Variants in SF3B3 observed in about 807,000 individuals in gnomAD.
SF3B3 encodes SAP 130.
In SF3B3, 33 loss-of-function variants were observed where a neutral mutation model predicts 139.2. That is an observed-to-expected ratio of 0.24 (90% CI 0.18 to 0.32). SF3B3 has a LOEUF of 0.32. Among genes scored for constraint, SF3B3 ranks in the 10% least tolerant of loss-of-function variants. SF3B3 has a pLI of 1.00. For synonymous variants in SF3B3, 596 were observed against 563.6 expected (o/e 1.06, Z -0.81); for missense variants, 818 against 1,509.4 (o/e 0.54, Z 7.59).
Position 70,540,478 on chromosome 16 carries a change from G to T in SF3B3, c.1068-1191G>T, listed in dbSNP as rs570346678. Among the ~76,000 whole-genome samples, 59 of 152,032 alleles carry T rather than the reference G, an allele frequency of 3.9e-4. 1 individual carries two copies. The highest frequency in any genetic ancestry group is 1.3e-3 in the African/African-American group (56 of 41,512). Reference sequence around the variant, plus strand: ...TGCAATCTCGGCTCACTGCATCCTCGACCTCCCAGGCTCAAGGTGATCCTT... The same window carrying T: ...TGCAATCTCGGCTCACTGCATCCTCTACCTCCCAGGCTCAAGGTGATCCTT... On this transcript the variant is annotated intron_variant, in intron 8 of 25. Transcript: ENST00000302516.
intron 11 of SF3B3, among the ~76,000 whole-genome samples, chr16:70,551,564 T>TGG (rs2050325627): frequency 6.6e-6 from 1 of 152,152 alleles, no homozygotes; most frequent in African/African-American, 2.4e-5. Context: ...TAGCTGGGTG[T>TGG]GGTGGCACAT....
At chr16:70,529,468 A>G in intron 3 of SF3B3, 1 of 478,554 alleles carries the variant, frequency 2.1e-6, no homozygotes, top group Non-Finnish European at 3.8e-6. Flanking sequence ...CTACAATGAA[A>G]TGATCTTATG....
Position 70,569,241 on chromosome 16 carries a change from C to T in SF3B3, c.3264+100C>T, listed in dbSNP as rs747658784. ...TTTGGTGAATTATTCATAGTGCACACGACTGTGCTGAGTGCTGTCCGTCCA... is the reference window on the plus strand; with the variant it reads ...TTTGGTGAATTATTCATAGTGCACATGACTGTGCTGAGTGCTGTCCGTCCA... On this transcript the variant is annotated intron_variant, in intron 23 of 25. Coordinates refer to ENST00000302516, the MANE Select transcript of SF3B3 (RefSeq NM_012426.5). The T allele has an allele frequency of 1.9e-5, 15 of 783,386 alleles. No homozygotes were observed. The South Asian group carries it at 2.1e-4, about 11-fold the overall frequency. 48.5% of individuals were successfully genotyped at this position (783,386 alleles called of 1,614,324 possible).
rs75150932 is a variant in SF3B3 at position 70,549,376 on chromosome 16, G to A, written c.1402+934G>A. ...GGCATTTGAATCATATCCAAGTTGA[G>A]TAGAAAGGGAAAATTGTGAATAGGA... is the stretch of plus-strand genomic sequence containing the variant. On this transcript the variant is annotated intron_variant, in intron 11 of 25. Transcript: ENST00000302516. Among the ~76,000 whole-genome samples the A allele has an allele frequency of 6.5e-3, 996 of 152,278 alleles. 17 individuals are homozygous for A. The highest frequency in any genetic ancestry group is 0.023 in the African/African-American group (944 of 41,552).
intron 6 of SF3B3, among the ~76,000 whole-genome samples, chr16:70,537,219 C>A (rs768485326): frequency 6.6e-6 from 1 of 152,182 alleles, no homozygotes; most frequent in Non-Finnish European, 1.5e-5. Context: ...GATACATATT[C>A]TCCACTATGT....
chr16:70,525,982 GA>G (rs375606094), intron 1 of SF3B3, among the ~76,000 whole-genome samples: 51 of 137,304 alleles, frequency 3.7e-4, no homozygotes, highest in African/African-American at 1.1e-3. Context: ...AAAAAAAAAG[GA>G]AAAAAAAAAG....
Position 70,530,749 on chromosome 16 carries a change from C to T in SF3B3, c.402C>T (p.Ala134=). 2 of 1,610,556 alleles carry T rather than the reference C, an allele frequency of 1.2e-6. No individual in the cohort carries two copies. The highest frequency in any genetic ancestry group is 1.7e-6 in the Non-Finnish European group (2 of 1,178,784). Residue 134 remains alanine (A), a synonymous_variant, in exon 4 of 26, where the codon GCC becomes GCT. Transcript: ENST00000302516. The part of the protein sequence containing the change: ...DPKGRAVMIS[A]IEKQKLVYIL... ...TTTTATCTCCTTCAACTACAGGTGCCATTGAGAAACAGAAATTGGTGTATA... is the reference window on the plus strand; with the variant it reads ...TTTTATCTCCTTCAACTACAGGTGCTATTGAGAAACAGAAATTGGTGTATA...
chr16:70,570,180 C>CT (rs2050514939), intron 24 of SF3B3, 31 bp downstream of exon 24: 1 of 1,611,908 alleles, frequency 6.2e-7, no homozygotes, highest in Non-Finnish European at 8.5e-7. Context: ...CTGGCCTTGA[C>CT]TTTTAAGGTT....
chr16:70,547,376 A>C (rs116107373), intron 10 of SF3B3, among the ~76,000 whole-genome samples: 4,853 of 152,302 alleles, frequency 0.032, 287 homozygotes, highest in African/African-American at 0.11. Context: ...AATGATTTTA[A>C]ATTTATAAAA....
rs905674121 is a variant in SF3B3, at chr16:70,576,357, C to G, written c.*4544C>G. 6.6e-6 allele frequency: 1 copy of G among 150,890 alleles called. No homozygotes were observed. Among genetic ancestry groups the G allele is most frequent in the East Asian group, 1.9e-4 (1 of 5,130 alleles). 9.3% of individuals were successfully genotyped at this position (150,890 alleles called of 1,614,324 possible). On this transcript the variant is annotated 3_prime_UTR_variant, in exon 26 of 26. Coordinates refer to ENST00000302516, the MANE Select transcript of SF3B3 (RefSeq NM_012426.5). Reference sequence around the variant, plus strand: ...TCTGGCGGTGCCCAGAGGCAAGCCCCCTTCAGTTTCCCACCTCTCACTCTG... The same window carrying G: ...TCTGGCGGTGCCCAGAGGCAAGCCCGCTTCAGTTTCCCACCTCTCACTCTG...
Position 70,565,521 on chromosome 16 carries a change from C to G in SF3B3, c.2823C>G (p.His941Gln). 1 of 1,613,204 alleles carries G rather than the reference C, an allele frequency of 6.2e-7. No individual in the cohort carries two copies. Among genetic ancestry groups the G allele is most frequent in the Non-Finnish European group, 8.5e-7 (1 of 1,179,512 alleles). The change falls in exon 20 of 26, where the codon CAC (histidine) becomes CAG (glutamine). Residue 941 changes from histidine (H) to glutamine (Q), a missense_variant. This residue lies in a region of SF3B3 where 145 missense variants were observed against 153.6 expected (regional missense o/e 0.94). Transcript: ENST00000302516. The part of the protein sequence containing the change: ...VNNGEKLEFL[H>Q]KTPVEEVPAA... ...ATGGGGAAAAACTGGAGTTTTTGCA[C>G]AAGGTAGGAATCTGCCAGTGGTTCT...
intron 8 of SF3B3, 116 bp from the exon 9 acceptor site, chr16:70,541,553 A>G: frequency 2.4e-6 from 2 of 823,922 alleles, no homozygotes; most frequent in Non-Finnish European, 3.8e-6. Context: ...ACACCTAAAA[A>G]TAATAACAAT....
At position 70,570,003 on chromosome 16, in the gene SF3B3, C is replaced by T. The variant is rs201315596; in HGVS notation, c.3265-3C>T. On this transcript the variant is annotated splice_region_variant and splice_polypyrimidine_tract_variant and intron_variant, in intron 23 of 25. Transcript: ENST00000302516. ...CAGTCACTAGTCTGTTTGTGACTCA[C>T]AGGCAGAGGTGATCATGAACTACCA... 3.7e-6 allele frequency: 6 copies of T among 1,613,850 alleles called. No homozygotes were observed. The African/African-American group carries it at 6.7e-5, about 18-fold the overall frequency.
chr16:70,556,641 G>T (rs2050381866), intron 14 of SF3B3: 1 of 599,442 alleles, frequency 1.7e-6, no homozygotes, highest in Non-Finnish European at 2.9e-6. Context: ...TTTTCAGGAG[G>T]TGTGCTTTGC....
Position 70,565,049 on chromosome 16 carries a change from G to T in SF3B3, c.2464-16G>T. ...TCTGAGCACGCCAACTCAGTTACTC[G>T]TTTTTTTGGGTTTAGGAAATGGTGG... On this transcript the variant is annotated splice_polypyrimidine_tract_variant and intron_variant, in intron 18 of 25. Transcript: ENST00000302516. 2.5e-6 allele frequency: 4 copies of T among 1,612,406 alleles called. No individual in the cohort carries two copies. Among genetic ancestry groups the T allele is most frequent in the Non-Finnish European group, 3.4e-6 (4 of 1,179,722 alleles).
chr16:70,554,589 T>G lies in SF3B3; in HGVS notation c.1546T>G (p.Leu516Val). Residue 516 changes from leucine to valine, a missense_variant, in exon 12 of 26, where the codon TTG becomes GTG. Physicochemically the swap from Leu to Val is conservative, Grantham distance 32. Coordinates refer to ENST00000302516, the MANE Select transcript of SF3B3 (RefSeq NM_012426.5). ...CTGCTCCTTATTAGGAGATGATGCC[T>G]TGGTGCAGGTGAGGGTTCTCAGAGC... ...LSCSLLGDDALVQVYPDGIRH... is the reference protein window; with the variant it reads ...LSCSLLGDDAVVQVYPDGIRH... 2 of 1,614,188 alleles carry G rather than the reference T, an allele frequency of 1.2e-6. No individual in the cohort carries two copies. Among genetic ancestry groups the G allele is most frequent in the Non-Finnish European group, 1.7e-6 (2 of 1,180,014 alleles).
At chr16:70,526,773 C>A (rs761749839) in intron 2 of SF3B3, 47 bp downstream of exon 2, 4 of 1,282,734 alleles carry the variant, frequency 3.1e-6, no homozygotes, top group East Asian at 4.6e-5. Flanking sequence ...TGAATTAATA[C>A]ATATCTTGCT....
At chr16:70,541,116 T>G (rs1189534661) in intron 8 of SF3B3, among the ~76,000 whole-genome samples, 1 of 152,218 alleles carries the variant, frequency 6.6e-6, no homozygotes, top group African/African-American at 2.4e-5. Flanking sequence ...TTTCCACGTT[T>G]GTGATTATAG....
At chr16:70,556,525 T>G (rs1473985931) in intron 14 of SF3B3, 191 bp downstream of exon 14, 3 of 648,368 alleles carry the variant, frequency 4.6e-6, no homozygotes, top group Non-Finnish European at 8.0e-6. Context: ...TTTAAGGATA[T>G]GATCTGAGAC....
Sources: gnomAD v4.1 joint callset for allele counts (sites outside exome capture counted in the v4.1 genomes callset) on GRCh38, gnomAD v4.1.1 for gene constraint, gnomAD v4.1.1 regional missense constraint, MANE v1.5 for transcripts, NCBI Gene and HGNC (gene_info 2026-07-23, HGNC 2026-07-21) for gene names.